RIN2: variants seen among roughly 807,000 people sequenced by gnomAD.
RIN2 encodes the protein Ras and Rab interactor 2.
RIN2 carries 36 observed loss-of-function variants against 78.0 expected under a neutral mutation model. That is an observed-to-expected ratio of 0.46 (90% CI 0.35 to 0.61). RIN2 has a LOEUF of 0.61. RIN2 is among the 20% of genes least tolerant of loss of function. The pLI is 0.00. For missense variants in RIN2, 1,087 were observed against 1,159.7 expected, an observed-to-expected ratio of 0.94 and a Z score of 0.91; for synonymous variants, 466 against 466.8, an observed-to-expected ratio of 1.00 and a Z score of 0.02.
At chr20:19,864,209 C>A (rs547211964) in intron 2 of RIN2, among the ~76,000 whole-genome samples, 2 of 152,146 alleles carry the variant, frequency 1.3e-5, no homozygotes, top group East Asian at 3.9e-4. Context: ...TGGTTTTTGA[C>A]CATCCTGGGT....
In RIN2 at chr20:20,001,034, C is replaced by T. The variant is rs966095052; in HGVS notation, c.*98C>T. The T allele has an allele frequency of 2.5e-5, 30 of 1,191,306 alleles. No homozygotes were observed. The highest frequency in any genetic ancestry group is 2.5e-5 in the East Asian group (1 of 40,782). 73.8% of individuals were successfully genotyped at this position (1,191,306 alleles called of 1,614,324 possible). ...TGAGCTTGAAAAGCAGTCACCTCCT[C>T]GGGGACCCCTCAGTGTAGTGACTAA... On this transcript the variant is annotated 3_prime_UTR_variant, in exon 13 of 13. Transcript: ENST00000255006.
intron 3 of RIN2, among the ~76,000 whole-genome samples, chr20:19,917,780 C>A (rs906876468): frequency 2.0e-5 from 3 of 152,022 alleles, no homozygotes; most frequent in South Asian, 2.1e-4. Flanking sequence ...AAGGCGGAAT[C>A]GCCTTTTAAA....
At chr20:19,802,575 A>G (rs962359038) in intron 2 of RIN2, among the ~76,000 whole-genome samples, 2 of 152,094 alleles carry the variant, frequency 1.3e-5, no homozygotes, top group Admixed American at 1.3e-4. Flanking sequence ...TGTGTTATAG[A>G]AAGGCAGGCT....
chr20:19,956,620 T>G lies in RIN2; in HGVS notation c.164T>G (p.Val55Gly), dbSNP rs375505886. Residue 55 changes from valine (V) to glycine (G), a missense_variant, in exon 5 of 13, where the codon GTA (valine) becomes GGA (glycine). This residue lies in a region of RIN2 where 706 missense variants were observed against 667.5 expected (regional missense o/e 1.06). Transcript: ENST00000255006. Reference protein sequence around the residue: ...GLEPAETHSMVRHKDGGYSEE... With the variant: ...GLEPAETHSMGRHKDGGYSEE... Reference sequence around the variant, plus strand: ...GCCGCTTCTCTTTCTCCTAGCATGGTAAGACACAAGGATGGTGGCTATTCC... The same window carrying G: ...GCCGCTTCTCTTTCTCCTAGCATGGGAAGACACAAGGATGGTGGCTATTCC... 5.0e-6 allele frequency: 8 copies of G among 1,613,100 alleles called. No homozygotes were observed. In the Admixed American group the frequency reaches 1.3e-4, roughly 27 times the overall value.
At chr20:19,844,574 A>AGCTGCTGCTGCTGCTGCT (rs67145587) in intron 2 of RIN2, among the ~76,000 whole-genome samples, 34 of 139,760 alleles carry the variant, frequency 2.4e-4, no homozygotes, top group African/African-American at 8.3e-4. Context: ...CCAACTAGAG[A>AGCTGCTGCTGCTGCTGCT]GCTGCTGCTG....
At chr20:19,962,701 T>A (rs1336933725) in intron 6 of RIN2, among the ~76,000 whole-genome samples, 1 of 152,052 alleles carries the variant, frequency 6.6e-6, no homozygotes, top group Admixed American at 6.6e-5. Context: ...AAGGACTTGC[T>A]ATAAAAACAT....
intron 7 of RIN2, among the ~76,000 whole-genome samples, chr20:19,969,296 G>A (rs1356335134): frequency 6.6e-6 from 1 of 152,138 alleles, no homozygotes; most frequent in African/African-American, 2.4e-5. Flanking sequence ...GTCCAGGCAG[G>A]ACTCCAAGTT....
chr20:19,853,611 AT>A (rs1471221248), intron 2 of RIN2, among the ~76,000 whole-genome samples: 8 of 152,070 alleles, frequency 5.3e-5, no homozygotes, highest in African/African-American at 1.9e-4. Flanking sequence ...TGTGGTTTTG[AT>A]TTGCATTTCT....
Position 19,946,907 on chromosome 20 carries a change from T to A in RIN2, c.159-9708T>A, listed in dbSNP as rs2041117753. Among the ~76,000 whole-genome samples the A allele has an allele frequency of 2.0e-5, 3 of 150,724 alleles. No homozygotes were observed. The South Asian group carries it at 6.3e-4, about 31-fold the overall frequency. ...TTAGCTGGACGTGGTGGCGCACGCC[T>A]AAAGTCCCAGCTACTCAGGAGGCTG... is the stretch of plus-strand genomic sequence containing the variant. On this transcript the variant is annotated intron_variant, in intron 4 of 12. Coordinates refer to ENST00000255006, the MANE Select transcript of RIN2 (RefSeq NM_018993.4).
At chr20:19,889,758 G>A in intron 3 of RIN2, 100 bp downstream of exon 3, 1 of 947,704 alleles carries the variant, frequency 1.1e-6, no homozygotes, top group East Asian at 2.9e-5. Flanking sequence ...TCTGCTCTCT[G>A]AGCCAGCACC....
intron 5 of RIN2, among the ~76,000 whole-genome samples, chr20:19,957,802 C>T (rs2041601836): frequency 6.6e-6 from 1 of 152,256 alleles, no homozygotes; most frequent in Middle Eastern, 3.4e-3. Context: ...CCTCAGTTAC[C>T]GTAGCCACAT....
chr20:19,851,825 T>C (rs1311546371), intron 2 of RIN2, among the ~76,000 whole-genome samples: 3 of 152,210 alleles, frequency 2.0e-5, no homozygotes, highest in Non-Finnish European at 2.9e-5. Context: ...TTAGCTATAG[T>C]CCCAGTAGAA....
At chr20:19,822,401 G>C (rs914637233) in intron 2 of RIN2, among the ~76,000 whole-genome samples, 2 of 152,190 alleles carry the variant, frequency 1.3e-5, no homozygotes, top group African/African-American at 2.4e-5. Flanking sequence ...CGACAGAATA[G>C]ATGGAAGAGC....
intron 1 of RIN2, among the ~76,000 whole-genome samples, chr20:19,798,851 A>T (rs2035152296): frequency 6.6e-6 from 1 of 152,174 alleles, no homozygotes; most frequent in Non-Finnish European, 1.5e-5. Flanking sequence ...AATTTTGAAA[A>T]GGCTAGGATA....
chr20:19,792,177 G>A (rs945931923), intron 1 of RIN2, among the ~76,000 whole-genome samples: 2 of 152,156 alleles, frequency 1.3e-5, no homozygotes, highest in Admixed American at 6.5e-5. Flanking sequence ...CTACCACAGC[G>A]GAAATTCCAC....
chr20:19,972,868 T>A (rs1485479016), intron 8 of RIN2, among the ~76,000 whole-genome samples: 1 of 152,276 alleles, frequency 6.6e-6, no homozygotes, highest in African/African-American at 2.4e-5. Flanking sequence ...AATTTGAAAC[T>A]GTCTAGTAGC....
intron 7 of RIN2, among the ~76,000 whole-genome samples, chr20:19,967,052 C>T (rs2041962990): frequency 6.6e-6 from 1 of 152,220 alleles, no homozygotes; most frequent in Non-Finnish European, 1.5e-5. Flanking sequence ...TTACTTTTCA[C>T]AGTTTGCTTT....
At chr20:19,980,476 A>G (rs2042411996) in intron 9 of RIN2, among the ~76,000 whole-genome samples, 1 of 152,166 alleles carries the variant, frequency 6.6e-6, no homozygotes, top group Admixed American at 6.5e-5. Flanking sequence ...TAATTCGGAA[A>G]GACCTTGCTC....
chr20:19,974,820 C>T lies in RIN2; in HGVS notation c.795C>T (p.Thr265=). 6.2e-7 allele frequency: 1 copy of T among 1,613,984 alleles called. No homozygotes were observed. Among genetic ancestry groups the T allele is most frequent in the East Asian group, 2.2e-5 (1 of 44,866 alleles). ...CTTCAGAGCTGGAGTGCAGCCAGAC[C>T]AACGGGGCCCTGTGCTTTATTAATC... ...RTPSELECSQ[T]NGALCFINPL... The change falls in exon 9 of 13, where the codon ACC becomes ACT. Residue 265 remains threonine, a synonymous_variant. Transcript: ENST00000255006.
Sources: gnomAD v4.1 joint callset for allele counts (sites outside exome capture counted in the v4.1 genomes callset) on GRCh38, gnomAD v4.1.1 for gene constraint, gnomAD v4.1.1 regional missense constraint, MANE v1.5 for transcripts, NCBI Gene and HGNC (gene_info 2026-07-23, HGNC 2026-07-21) for gene names.